Variants in TOPAZ1 observed in about 807,000 individuals in gnomAD.
TOPAZ1 encodes testis and ovary specific TOPAZ 1, also known as protein TOPAZ1.
TOPAZ1 carries 66 observed loss-of-function variants against 172.2 expected under a neutral mutation model. The observed-to-expected ratio is 0.38, with a 90% CI of 0.31 to 0.47. The LOEUF is 0.47. Ranked by LOEUF, TOPAZ1 falls within the 20% of genes least tolerant of loss-of-function variation. TOPAZ1 has a pLI of 0.99. For synonymous variants in TOPAZ1, 681 were observed against 683.9 expected (o/e 1.00, Z 0.07); for missense variants, 1,822 against 1,972.4 (o/e 0.92, Z 1.44).
At chr3:44,258,474 T>C (rs1169568075) in intron 4 of TOPAZ1, among the ~76,000 whole-genome samples, 1 of 152,222 alleles carries the variant, frequency 6.6e-6, no homozygotes, top group African/African-American at 2.4e-5. Flanking sequence ...CGCCCATTCC[T>C]TAACCCTGGA....
chr3:44,293,252 A>G lies in TOPAZ1; in HGVS notation c.3797+2366A>G, dbSNP rs574860168. ...GATAATAAATTAGTGTTACTGGTCTATGTATTTACTGTACTTTATTATTAT... is the reference window on the plus strand; with the variant it reads ...GATAATAAATTAGTGTTACTGGTCTGTGTATTTACTGTACTTTATTATTAT... On this transcript the variant is annotated intron_variant, in intron 12 of 19. Coordinates refer to ENST00000309765, the MANE Select transcript of TOPAZ1 (RefSeq NM_001145030.2). 5.9e-5 allele frequency among the ~76,000 whole-genome samples: 9 copies of G among 152,336 alleles called. No homozygotes were observed. The South Asian group carries it at 1.2e-3, about 21-fold the overall frequency.
At chr3:44,290,333 G>A (rs913568800) in intron 11 of TOPAZ1, among the ~76,000 whole-genome samples, 11 of 152,038 alleles carry the variant, frequency 7.2e-5, no homozygotes, top group Non-Finnish European at 1.5e-4. Flanking sequence ...TTTTAATTAC[G>A]TGCTATGTTA....
chr3:44,256,091 T>A, intron 3 of TOPAZ1, 60 bp from the exon 4 acceptor site: 4 of 1,305,074 alleles, frequency 3.1e-6, no homozygotes, highest in Non-Finnish European at 4.1e-6. Context: ...AGAACAGCCT[T>A]TGAATAACTC....
chr3:44,242,874 C>A lies in TOPAZ1; in HGVS notation c.368C>A (p.Thr123Asn), dbSNP rs1054239561. 1.3e-6 allele frequency: 2 copies of A among 1,505,212 alleles called. No homozygotes were observed. The highest frequency in any genetic ancestry group is 5.4e-5 in the Admixed American group (2 of 37,370). 93.2% of individuals were successfully genotyped at this position (1,505,212 alleles called of 1,614,324 possible). ...ERHTKEKRKVTEASSDDPQPG... is the reference protein window; with the variant it reads ...ERHTKEKRKVNEASSDDPQPG... Reference sequence around the variant, plus strand: ...TCAGCCAAGGAAAAAAGAAAAGTTACTGAAGCCTCAAGTGATGATCCACAG... The same window carrying A: ...TCAGCCAAGGAAAAAAGAAAAGTTAATGAAGCCTCAAGTGATGATCCACAG... The change falls in exon 2 of 20, where the codon ACT becomes AAT. Residue 123 changes from threonine to asparagine, a missense_variant. Physicochemically the swap from Thr to Asn is moderately conservative, Grantham distance 65 (BLOSUM62 0). Transcript: ENST00000309765.
chr3:44,269,202 TA>T lies in TOPAZ1; in HGVS notation c.3161-11del. The T allele has an allele frequency of 6.8e-7, 1 of 1,477,856 alleles. No homozygotes were observed. The highest frequency in any genetic ancestry group is 9.3e-7 in the Non-Finnish European group (1 of 1,079,852). 91.5% of individuals were successfully genotyped at this position (1,477,856 alleles called of 1,614,324 possible). Reference sequence around the variant, plus strand: ...AACATATTGGTGTGTAATGCCACTCTAAATCATTTCTAGATTTCAGATTTCT... The same window carrying T: ...AACATATTGGTGTGTAATGCCACTCTAATCATTTCTAGATTTCAGATTTCT... On this transcript the variant is annotated splice_polypyrimidine_tract_variant and intron_variant, in intron 6 of 19. Coordinates refer to ENST00000309765, the MANE Select transcript of TOPAZ1 (RefSeq NM_001145030.2).
rs894098384 is a variant in TOPAZ1, at chr3:44,241,953, T to G, written c.-101T>G. 8.8e-7 allele frequency: 1 copy of G among 1,133,718 alleles called. No individual in the cohort carries two copies. Among genetic ancestry groups the G allele is most frequent in the Middle Eastern group, 2.9e-4 (1 of 3,496 alleles). The allele number at this position is 1,133,718 out of a possible 1,614,324, so 70.2% of individuals were successfully genotyped here. On this transcript the variant is annotated 5_prime_UTR_variant, in exon 1 of 20. Coordinates refer to ENST00000309765, the MANE Select transcript of TOPAZ1 (RefSeq NM_001145030.2). ...GTGGTGACTGGCGGTGTGGGGTGGG[T>G]CAGAGGGCAGTAGGTACCTCCAGGC...
chr3:44,267,289 C>CTTTTTTT (rs71085610), intron 6 of TOPAZ1, among the ~76,000 whole-genome samples, 153 bp downstream of exon 6: 1 of 104,630 alleles, frequency 9.6e-6, no homozygotes, highest in Non-Finnish European at 1.8e-5. Flanking sequence ...TTACTTAGTA[C>CTTTTTTT]TTTTTTTTTT....
At chr3:44,328,511 A>G (rs1700628087) in intron 19 of TOPAZ1, 78 bp downstream of exon 19, 1 of 741,964 alleles carries the variant, frequency 1.3e-6, no homozygotes. Context: ...TAAATGTTTT[A>G]TGTGTTTTTA....
chr3:44,242,603 A>G (rs1476446147), intron 1 of TOPAZ1, among the ~76,000 whole-genome samples: 18 of 152,190 alleles, frequency 1.2e-4, no homozygotes. Context: ...AGGAATTCCT[A>G]CTTGTGGTCC....
rs1205602334 is a variant in TOPAZ1 at position 44,331,643 on chromosome 3, A to G, written c.4860-149A>G. 1.0e-5 allele frequency: 7 copies of G among 683,208 alleles called. No individual in the cohort carries two copies. In the Admixed American group the frequency reaches 1.4e-4, roughly 14 times the overall value. 42.3% of individuals were successfully genotyped at this position (683,208 alleles called of 1,614,324 possible). ...CAAAATGCCTTTCTTACTGTGGGTC[A>G]TGATCAAAAAAGTTTGAAAGCCACT... On this transcript the variant is annotated intron_variant, in intron 19 of 19. Transcript: ENST00000309765.
intron 18 of TOPAZ1, among the ~76,000 whole-genome samples, chr3:44,327,534 A>C (rs1373808006): frequency 6.6e-6 from 1 of 152,202 alleles, no homozygotes; most frequent in East Asian, 1.9e-4. Flanking sequence ...ATGGAAATGT[A>C]TTTTATGCCT....
At position 44,266,757 on chromosome 3, in the gene TOPAZ1, A is replaced by G. The variant is rs183292621; in HGVS notation, c.3021-240A>G. On this transcript the variant is annotated intron_variant, in intron 5 of 19. Coordinates refer to ENST00000309765, the MANE Select transcript of TOPAZ1 (RefSeq NM_001145030.2). Reference sequence around the variant, plus strand: ...CACCATAACAGATAAAATAATAATGAAAAAATTTGAAATATTGTGAGAATT... The same window carrying G: ...CACCATAACAGATAAAATAATAATGGAAAAATTTGAAATATTGTGAGAATT... Among the ~76,000 whole-genome samples, 200 of 152,320 alleles carry G rather than the reference A, an allele frequency of 1.3e-3. 1 individual carries two copies. Among genetic ancestry groups the G allele is most frequent in the African/African-American group, 4.1e-3 (172 of 41,580 alleles).
chr3:44,256,190 C>T lies in TOPAZ1; in HGVS notation c.2867C>T (p.Ser956Phe). ...CGTGATCCCAAAGATGTAAACACTT[C>T]CTTAGGAGAAGTTGCTAATGAGACC... is the stretch of plus-strand genomic sequence containing the variant. ...IKRDPKDVNT[S>F]LGEVANETSE... The change falls in exon 4 of 20, where the codon TCC becomes TTC. Residue 956 changes from serine to phenylalanine, a missense_variant. This residue lies in a region of TOPAZ1 where 1,489 missense variants were observed against 1,490.8 expected (regional missense o/e 1.00). Coordinates refer to ENST00000309765, the MANE Select transcript of TOPAZ1 (RefSeq NM_001145030.2). 1.3e-6 allele frequency: 2 copies of T among 1,527,756 alleles called. No homozygotes were observed. Among genetic ancestry groups the T allele is most frequent in the Middle Eastern group, 3.4e-4 (2 of 5,946 alleles). The allele number at this position is 1,527,756 out of a possible 1,614,324, so 94.6% of individuals were successfully genotyped here. A position where few individuals can be genotyped will look rare whatever the true frequency, so the allele number is the denominator to read the frequency against.
chr3:44,264,825 A>G (rs1404230970), intron 5 of TOPAZ1, among the ~76,000 whole-genome samples: 1 of 152,216 alleles, frequency 6.6e-6, no homozygotes, highest in Non-Finnish European at 1.5e-5. Flanking sequence ...ATTTCATCTC[A>G]AGAAACCACT....
rs939366684 is a variant in TOPAZ1 at position 44,308,374 on chromosome 3, G to A, written c.4141-1451G>A. Among the ~76,000 whole-genome samples the A allele has an allele frequency of 4.1e-4, 62 of 150,876 alleles. 1 individual carries two copies. Among genetic ancestry groups the A allele is most frequent in the South Asian group, 2.1e-4 (1 of 4,784 alleles). ...TTCCCACCTATGAGTGGGAACATGC[G>A]GTGTTTGGTTTTCTATCCTTGCGAT... On this transcript the variant is annotated intron_variant, in intron 15 of 19. Coordinates refer to ENST00000309765, the MANE Select transcript of TOPAZ1 (RefSeq NM_001145030.2).
At chr3:44,292,005 G>A (rs1412690307) in intron 12 of TOPAZ1, among the ~76,000 whole-genome samples, 1 of 152,134 alleles carries the variant, frequency 6.6e-6, no homozygotes, top group East Asian at 1.9e-4. Context: ...CATTTGTTCA[G>A]TGTCTGACAG....
chr3:44,287,062 C>CT (rs1381246642), intron 9 of TOPAZ1, among the ~76,000 whole-genome samples: 1 of 152,198 alleles, frequency 6.6e-6, no homozygotes, highest in East Asian at 1.9e-4. Context: ...TGTACCAAGG[C>CT]TACTGCCTCA....
chr3:44,245,584 T>C (rs1699555555), intron 2 of TOPAZ1, among the ~76,000 whole-genome samples: 1 of 131,060 alleles, frequency 7.6e-6, no homozygotes, highest in African/African-American at 2.8e-5. Context: ...TCACCCAGGC[T>C]GGAGTGCAGT....
At position 44,242,042 on chromosome 3, in the gene TOPAZ1, G is replaced by A. The variant is rs948622377; in HGVS notation, c.-12G>A. The A allele has an allele frequency of 4.5e-6, 7 of 1,540,432 alleles. No homozygotes were observed. Among genetic ancestry groups the A allele is most frequent in the Non-Finnish European group, 6.1e-6 (7 of 1,145,634 alleles). The stretch of plus-strand genomic sequence containing the variant: ...GGTGCAGAGGGGCCCCAGCGGGCCG[G>A]CCCCGGGGCACATGCGACGACCTCC... On this transcript the variant is annotated 5_prime_UTR_variant, in exon 1 of 20. Transcript: ENST00000309765.
Sources: gnomAD v4.1 joint callset for allele counts (sites outside exome capture counted in the v4.1 genomes callset) on GRCh38, gnomAD v4.1.1 for gene constraint, gnomAD v4.1.1 regional missense constraint, MANE v1.5 for transcripts, NCBI Gene and HGNC (gene_info 2026-07-23, HGNC 2026-07-21) for gene names.